The following FGF13 variants were observed in gnomAD, a reference collection of about 807,000 sequenced individuals.
The protein encoded by FGF13 is fibroblast growth factor homologous factor 2.
A neutral mutation model predicts 19.5 loss-of-function variants in FGF13; 2 were observed. The observed-to-expected ratio is 0.10, with a 90% CI of 0.04 to 0.32. The LOEUF is 0.32. FGF13 is among the 10% of genes least tolerant of loss of function. The pLI is 1.00. For synonymous variants in FGF13, 72 were observed against 76.9 expected (o/e 0.94, Z 0.33); for missense variants, 113 against 192.7 (o/e 0.59, Z 2.45).
intron 1 of FGF13, among the ~76,000 whole-genome samples, chrX:139,119,068 G>A (rs2083659292): frequency 9.0e-6 from 1 of 111,207 alleles, no homozygotes; most frequent in Non-Finnish European, 1.9e-5. Flanking sequence ...TGAGCATGCT[G>A]GCATGCACCT....
chrX:139,032,834 C>T (rs1462883776), intron 1 of FGF13, among the ~76,000 whole-genome samples: 2 of 109,576 alleles, frequency 1.8e-5, no homozygotes, highest in African/African-American at 6.6e-5. Context: ...CTACCACCTT[C>T]CTGATGCAAG....
downstream of FGF13, among the ~76,000 whole-genome samples, chrX:138,853,259 AAAC>A (rs983861833): frequency 2.6e-4 from 29 of 111,978 alleles, no homozygotes; most frequent in Non-Finnish European, 4.0e-4. Flanking sequence ...CACAACAGGA[AAAC>A]AACAATGTTG....
Position 138,618,083 on chromosome X carries a change from G to A in FGF13, c.*14767C>T, listed in dbSNP as rs765827058. On this transcript the variant is annotated 3_prime_UTR_variant, in exon 5 of 5. Coordinates refer to ENST00000315930, the MANE Select transcript of FGF13 (RefSeq NM_004114.5). ...GTGATGTCAGCAAGATGGCAGAACAGGAATTTTCTCCTGTCATTTCCCCAC... is the reference window on the plus strand; with the variant it reads ...GTGATGTCAGCAAGATGGCAGAACAAGAATTTTCTCCTGTCATTTCCCCAC... 4.2e-4 allele frequency: 47 copies of A among 112,283 alleles called. No homozygotes were observed. The highest frequency in any genetic ancestry group is 1.5e-3 in the African/African-American group (46 of 30,958). The allele number at this position is 112,283 out of a possible 1,213,427, so 9.3% of individuals were successfully genotyped here. A position where few individuals can be genotyped will look rare whatever the true frequency, so the allele number is the denominator to read the frequency against.
intron 1 of FGF13, among the ~76,000 whole-genome samples, chrX:138,943,717 A>G (rs1031042561): frequency 8.9e-6 from 1 of 111,813 alleles, no homozygotes; most frequent in Non-Finnish European, 1.9e-5. Flanking sequence ...TTTAGCAAGG[A>G]TCACCACTGT....
intron 3 of FGF13, among the ~76,000 whole-genome samples, chrX:138,781,719 T>C (rs753379059): frequency 2.7e-5 from 3 of 111,858 alleles, no homozygotes; most frequent in African/African-American, 9.8e-5. Context: ...AGCTGAATTC[T>C]ACCAGAGGTA....
chrX:138,944,909 T>C (rs2091775093), intron 1 of FGF13, among the ~76,000 whole-genome samples: 1 of 111,525 alleles, frequency 9.0e-6, no homozygotes, highest in African/African-American at 3.3e-5. Flanking sequence ...CTACCCATCC[T>C]TCCTTCCTTC....
At chrX:138,814,272 C>CA (rs1450688421) in intron 3 of FGF13, among the ~76,000 whole-genome samples, 176 of 109,794 alleles carry the variant, frequency 1.6e-3, no homozygotes, top group African/African-American at 5.6e-3. Context: ...GTGAAACACA[C>CA]AAAAAATGAT....
intron 3 of FGF13, among the ~76,000 whole-genome samples, chrX:138,801,047 TTTG>T (rs1296035583): frequency 9.0e-6 from 1 of 111,717 alleles, no homozygotes; most frequent in Non-Finnish European, 1.9e-5. Flanking sequence ...CTCAGAGGAG[TTTG>T]TTATTACCCA....
At chrX:138,880,727 A>T (rs1053197333) in intron 1 of FGF13, among the ~76,000 whole-genome samples, 2 of 112,268 alleles carry the variant, frequency 1.8e-5, no homozygotes, top group Non-Finnish European at 3.8e-5. Context: ...TTCAAAAATC[A>T]ATTTATCTTA....
chrX:139,087,088 G>C, intron 1 of FGF13, among the ~76,000 whole-genome samples: 1 of 112,192 alleles, frequency 8.9e-6, no homozygotes, highest in Middle Eastern at 4.6e-3. Context: ...CCTGAAGTCG[G>C]GAGTTCGAGA....
chrX:138,621,915 G>A lies in FGF13; in HGVS notation c.*10935C>T, dbSNP rs751662916. On this transcript the variant is annotated 3_prime_UTR_variant, in exon 5 of 5. Coordinates refer to ENST00000315930, the MANE Select transcript of FGF13 (RefSeq NM_004114.5). ...ATCATGAATAGAGAATCTGTAGAGA[G>A]CAATAATGAAAAAGAATATTGAATC... 6.3e-5 allele frequency: 7 copies of A among 110,857 alleles called. No homozygotes were observed. The highest frequency in any genetic ancestry group is 3.8e-4 in the Admixed American group (4 of 10,413). 9.1% of individuals were successfully genotyped at this position (110,857 alleles called of 1,213,427 possible). A position where few individuals can be genotyped will look rare whatever the true frequency, so the allele number is the denominator to read the frequency against.
At position 138,623,326 on chromosome X, in the gene FGF13, T is replaced by A. The variant is rs1442926889; in HGVS notation, c.*9524A>T. On this transcript the variant is annotated 3_prime_UTR_variant, in exon 5 of 5. Coordinates refer to ENST00000315930, the MANE Select transcript of FGF13 (RefSeq NM_004114.5). Reference sequence around the variant, plus strand: ...ATAATGCTGGCTTCATAAAATGAGTTTGGAAGTGCTCCTTCCTCTTCATTT... The same window carrying A: ...ATAATGCTGGCTTCATAAAATGAGTATGGAAGTGCTCCTTCCTCTTCATTT... The A allele has an allele frequency of 8.9e-6, 1 of 111,753 alleles. No homozygotes were observed. Among genetic ancestry groups the A allele is most frequent in the African/African-American group, 3.3e-5 (1 of 30,715 alleles). The allele number at this position is 111,753 out of a possible 1,213,427, so 9.2% of individuals were successfully genotyped here. A position where few individuals can be genotyped will look rare whatever the true frequency, so the allele number is the denominator to read the frequency against.
chrX:138,910,946 C>A (rs753369265), intron 1 of FGF13, among the ~76,000 whole-genome samples: 1 of 110,695 alleles, frequency 9.0e-6, no homozygotes, highest in Admixed American at 9.6e-5. Context: ...TGTCAGTATC[C>A]CAGTGCAGGA....
At chrX:139,146,977 G>A (rs943778758) in intron 1 of FGF13, among the ~76,000 whole-genome samples, 1 of 108,218 alleles carries the variant, frequency 9.2e-6, no homozygotes, top group African/African-American at 3.4e-5. Flanking sequence ...CGTGGGGTGG[G>A]GGAGGGAGGA....
intron 3 of FGF13, among the ~76,000 whole-genome samples, chrX:138,837,970 G>C (rs748564236): frequency 8.9e-6 from 1 of 112,237 alleles, no homozygotes; most frequent in African/African-American, 3.2e-5. Context: ...CTCACTTAAA[G>C]AAACAGCCTG....
intron 1 of FGF13, among the ~76,000 whole-genome samples, chrX:139,010,666 G>C (rs1603123097): frequency 1.8e-5 from 2 of 111,235 alleles, no homozygotes; most frequent in Admixed American, 1.9e-4. Flanking sequence ...GTGCTAAGAG[G>C]AAAGTTCATA....
At chrX:138,834,950 C>T (rs1320552302) in intron 3 of FGF13, among the ~76,000 whole-genome samples, 1 of 111,555 alleles carries the variant, frequency 9.0e-6, no homozygotes, top group African/African-American at 3.3e-5. Flanking sequence ...ATTCAATTTC[C>T]ATGTAATTAT....
At chrX:139,032,183 T>C (rs1032422425) in intron 1 of FGF13, among the ~76,000 whole-genome samples, 18 of 111,875 alleles carry the variant, frequency 1.6e-4, no homozygotes, top group Non-Finnish European at 3.2e-4. Flanking sequence ...TCCCCACTAA[T>C]TGTTTTGGCC....
chrX:139,107,906 G>T (rs1419209215), intron 1 of FGF13, among the ~76,000 whole-genome samples: 1 of 110,360 alleles, frequency 9.1e-6, no homozygotes, highest in Non-Finnish European at 1.9e-5. Flanking sequence ...AAAAAATGTG[G>T]ATTCAAGTCT....
Sources: allele counts gnomAD v4.1 joint callset (sites outside exome capture counted in the v4.1 genomes callset), GRCh38; gene constraint gnomAD v4.1.1; transcripts MANE v1.5; gene names NCBI Gene and HGNC (gene_info 2026-07-23, HGNC 2026-07-21).